Variants in DRAM1 observed in about 807,000 individuals in gnomAD.
DRAM1 encodes DNA damage-regulated autophagy modulator protein 1.
DRAM1 carries 25 observed loss-of-function variants against 28.5 expected under a neutral mutation model. That is an observed-to-expected ratio of 0.88 (90% confidence interval 0.64 to 1.23). The LOEUF (loss-of-function observed/expected upper bound fraction) is 1.23, where lower values mean the gene tolerates loss of function less well. Among genes scored for constraint, DRAM1 ranks in the 50% most tolerant of loss-of-function variants. The pLI is 0.00. For synonymous variants in DRAM1, 113 were observed against 114.2 expected, an observed-to-expected ratio of 0.99 and a Z score of 0.07; for missense variants, 249 against 299.2, an observed-to-expected ratio of 0.83 and a Z score of 1.24.
chr12:101,914,803 G>A (rs1271630263), intron 5 of DRAM1, among the ~76,000 whole-genome samples: 3 of 151,898 alleles, frequency 2.0e-5, no homozygotes, highest in Non-Finnish European at 1.5e-5. Flanking sequence ...GACCACAGGC[G>A]TGCGCCACAT....
intron 4 of DRAM1, among the ~76,000 whole-genome samples, chr12:101,909,648 A>G (rs930267182): frequency 5.3e-5 from 8 of 152,118 alleles, no homozygotes; most frequent in African/African-American, 1.9e-4. Flanking sequence ...TTTTCTTTTT[A>G]TAGTCACTGA....
chr12:101,920,038 C>T (rs1375661903), intron 5 of DRAM1, 71 bp from the exon 6 acceptor site: 1 of 1,100,190 alleles, frequency 9.1e-7, no homozygotes, highest in African/African-American at 1.6e-5. Flanking sequence ...TGAAACTCCT[C>T]ATTGTATTTC....
chr12:101,898,356 A>C (rs1179692458), intron 2 of DRAM1, among the ~76,000 whole-genome samples: 1 of 152,172 alleles, frequency 6.6e-6, no homozygotes, highest in Non-Finnish European at 1.5e-5. Flanking sequence ...CAATCTTTGC[A>C]GCTAGATTTT....
Position 101,923,464 on chromosome 12 carries a change from C to T in DRAM1, c.*2204C>T, listed in dbSNP as rs1261158695. ...ACAATGAACAGAGTGCCTCCTGGTACACTGTAGGAGCTTAAGAAATACTCA... is the reference window on the plus strand; with the variant it reads ...ACAATGAACAGAGTGCCTCCTGGTATACTGTAGGAGCTTAAGAAATACTCA... On this transcript the variant is annotated 3_prime_UTR_variant, in exon 7 of 7. Transcript: ENST00000258534. 6.6e-6 allele frequency: 1 copy of T among 152,136 alleles called. No individual in the cohort carries two copies. Among genetic ancestry groups the T allele is most frequent in the Admixed American group, 6.5e-5 (1 of 15,278 alleles). 9.4% of individuals were successfully genotyped at this position (152,136 alleles called of 1,614,324 possible).
chr12:101,883,243 G>C (rs941917284), intron 1 of DRAM1, among the ~76,000 whole-genome samples: 1 of 150,736 alleles, frequency 6.6e-6, no homozygotes, highest in Non-Finnish European at 1.5e-5. Flanking sequence ...CAAGGTCAGT[G>C]AGACATTGGC....
At chr12:101,897,285 C>T (rs949951669) in intron 1 of DRAM1, among the ~76,000 whole-genome samples, 2 of 151,904 alleles carry the variant, frequency 1.3e-5, no homozygotes, top group Non-Finnish European at 2.9e-5. Flanking sequence ...CCATAACCTC[C>T]GCCTCCCTGG....
In DRAM1 at chr12:101,908,265, C is replaced by G. The variant is rs1196144899; in HGVS notation, c.422C>G (p.Ser141Cys). The change falls in exon 4 of 7, where the codon TCC (serine) becomes TGC (cysteine). Residue 141 changes from serine (S) to cysteine (C), a missense_variant. Physicochemically the swap from Ser to Cys is moderately radical, Grantham distance 112 (BLOSUM62 -1). Around this residue, in one of 3 missense-constraint regions of DRAM1, gnomAD observed 218 missense variants for 243.1 expected, o/e 0.90. Transcript: ENST00000258534. ...VCGVVYTLLQSIISYKSCPQW... is the reference protein window; with the variant it reads ...VCGVVYTLLQCIISYKSCPQW... ...GGTGTCGTGTACACGCTCCTACAGTCCATCATCTCTTACAAATCATGTCCC... is the reference window on the plus strand; with the variant it reads ...GGTGTCGTGTACACGCTCCTACAGTGCATCATCTCTTACAAATCATGTCCC... The G allele has an allele frequency of 2.5e-6, 4 of 1,614,046 alleles. No individual in the cohort carries two copies. Among genetic ancestry groups the G allele is most frequent in the African/African-American group, 1.3e-5 (1 of 74,918 alleles).
intron 5 of DRAM1, among the ~76,000 whole-genome samples, chr12:101,918,465 G>A (rs1874341269): frequency 1.3e-5 from 2 of 152,220 alleles, no homozygotes; most frequent in East Asian, 1.9e-4. Context: ...CCTACTGTAG[G>A]CTGGTCAGGT....
chr12:101,903,611 C>T (rs542294426), intron 3 of DRAM1, among the ~76,000 whole-genome samples: 10 of 152,128 alleles, frequency 6.6e-5, no homozygotes, highest in African/African-American at 2.2e-4. Context: ...TATTACTGCA[C>T]AGTATGGTGA....
intron 5 of DRAM1, among the ~76,000 whole-genome samples, chr12:101,914,482 C>CT (rs1437711201): frequency 1.2e-4 from 16 of 138,196 alleles, no homozygotes; most frequent in African/African-American, 3.9e-4. Context: ...TCTTCTTCTT[C>CT]TTCTTTTTTT....
chr12:101,910,070 A>G (rs1026346039), intron 4 of DRAM1, among the ~76,000 whole-genome samples: 7 of 152,250 alleles, frequency 4.6e-5, no homozygotes, highest in Admixed American at 3.9e-4. Flanking sequence ...TAGAAACTAC[A>G]AAATGTGAAG....
rs193139013 is a variant in DRAM1, at chr12:101,879,072, G to A, written c.131+1152G>A. ...TGCAGTGACACAATCTCGGCTCACCGCAACCTCTGCCTCCCGGGTTCAAGC... is the reference window on the plus strand; with the variant it reads ...TGCAGTGACACAATCTCGGCTCACCACAACCTCTGCCTCCCGGGTTCAAGC... On this transcript the variant is annotated intron_variant, in intron 1 of 6. Transcript: ENST00000258534. 1.2e-4 allele frequency among the ~76,000 whole-genome samples: 18 copies of A among 152,062 alleles called. No individual in the cohort carries two copies. In the East Asian group the frequency reaches 1.9e-3, roughly 16 times the overall value.
At position 101,921,349 on chromosome 12, in the gene DRAM1, G is replaced by A; in HGVS notation, c.*89G>A. On this transcript the variant is annotated 3_prime_UTR_variant, in exon 7 of 7. Coordinates refer to ENST00000258534, the MANE Select transcript of DRAM1 (RefSeq NM_018370.3). ...ACAGACAGGGTTTTGAGGCCACCCT[G>A]ATTATTGGGATGCATCTGCAGCACA... 3 of 939,760 alleles carry A rather than the reference G, an allele frequency of 3.2e-6. No individual in the cohort carries two copies. In the Admixed American group the frequency reaches 5.6e-5, roughly 17 times the overall value. 58.2% of individuals were successfully genotyped at this position (939,760 alleles called of 1,614,324 possible). A position where few individuals can be genotyped will look rare whatever the true frequency, so the allele number is the denominator to read the frequency against.
chr12:101,901,633 C>T (rs1873608658), intron 3 of DRAM1, 200 bp downstream of exon 3: 1 of 564,572 alleles, frequency 1.8e-6, no homozygotes, highest in African/African-American at 1.9e-5. Context: ...CACCTGTAAT[C>T]CCAGCACTTT....
intron 4 of DRAM1, among the ~76,000 whole-genome samples, chr12:101,911,629 CA>C (rs1182870059): frequency 6.6e-6 from 1 of 152,160 alleles, no homozygotes; most frequent in African/African-American, 2.4e-5. Flanking sequence ...ATGGTACCCA[CA>C]TGTGGCTTTT....
chr12:101,894,886 C>G (rs1344432119), intron 1 of DRAM1, among the ~76,000 whole-genome samples: 2 of 152,180 alleles, frequency 1.3e-5, no homozygotes, highest in Non-Finnish European at 1.5e-5. Context: ...GTCTGAGGTT[C>G]AGAATTATTC....
intron 3 of DRAM1, among the ~76,000 whole-genome samples, chr12:101,902,576 C>CCTCTG (rs1873646919): frequency 6.6e-6 from 1 of 152,146 alleles, no homozygotes; most frequent in African/African-American, 2.4e-5. Context: ...ATAGATATAT[C>CCTCTG]ACTTTATCCT....
intron 1 of DRAM1, among the ~76,000 whole-genome samples, chr12:101,882,816 C>T: frequency 6.7e-6 from 1 of 148,372 alleles, no homozygotes. Context: ...CACACCCCCC[C>T]ATCATTTGAT....
At chr12:101,914,950 A>G (rs1315724433) in intron 5 of DRAM1, among the ~76,000 whole-genome samples, 2 of 145,182 alleles carry the variant, frequency 1.4e-5, no homozygotes, top group Admixed American at 1.4e-4. Context: ...GACCCACCGC[A>G]CCCGTCCCTC....
Sources: allele counts gnomAD v4.1 joint callset (sites outside exome capture counted in the v4.1 genomes callset), GRCh38; gene constraint gnomAD v4.1.1; regional missense constraint gnomAD v4.1.1; transcripts MANE v1.5; gene names NCBI Gene and HGNC (gene_info 2026-07-23, HGNC 2026-07-21).